DNAH3: variants seen among roughly 807,000 people sequenced by gnomAD.
The protein encoded by DNAH3 is dynein axonemal heavy chain 3, also known as axonemal beta dynein heavy chain 3.
In DNAH3, 332 loss-of-function variants were observed where a neutral mutation model predicts 432.5. The ratio of observed to expected loss-of-function variants is 0.77; its 90% CI spans 0.70 to 0.84. The LOEUF is 0.84. DNAH3 is among the 40% of genes least tolerant of loss of function. The pLI is 0.00. For missense variants in DNAH3, 4,861 were observed against 5,114.0 expected, an observed-to-expected ratio of 0.95 and a Z score of 1.51; for synonymous variants, 1,956 against 1,900.2, an observed-to-expected ratio of 1.03 and a Z score of -0.76.
At chr16:21,121,959 T>G in exon 10 of DNAH3, 1 of 1,612,340 alleles carries the variant, frequency 6.2e-7, no homozygotes, top group Non-Finnish European at 8.5e-7. Flanking sequence ...GGGATCCCAT[T>G]AGAGTTCTTA....
chr16:21,077,561 T>C (rs2091019351), intron 20 of DNAH3, among the ~76,000 whole-genome samples: 1 of 152,132 alleles, frequency 6.6e-6, no homozygotes, highest in Admixed American at 6.6e-5. Context: ...ACACCTACTA[T>C]TTTCCTGATA....
intron 36 of DNAH3, among the ~76,000 whole-genome samples, chr16:21,033,225 T>C (rs2088980521): frequency 6.6e-6 from 1 of 152,174 alleles, no homozygotes; most frequent in Admixed American, 6.5e-5. Flanking sequence ...TCATCAAATG[T>C]TATTAGAAAA....
At chr16:21,096,307 T>C (rs2091677901) in intron 18 of DNAH3, among the ~76,000 whole-genome samples, 1 of 151,940 alleles carries the variant, frequency 6.6e-6, no homozygotes, top group Non-Finnish European at 1.5e-5. Flanking sequence ...GATTTTTTAT[T>C]TTTTGTAGAG....
intron 43 of DNAH3, among the ~76,000 whole-genome samples, chr16:20,998,988 G>A (rs1197646411): frequency 6.6e-6 from 1 of 152,162 alleles, no homozygotes; most frequent in African/African-American, 2.4e-5. Context: ...TGGGCATGGT[G>A]GTTCACACCT....
At chr16:21,122,026 G>A (rs1336123467) in exon 10 of DNAH3, 3 of 1,613,810 alleles carry the variant, frequency 1.9e-6, no homozygotes, top group Non-Finnish European at 2.5e-6. Context: ...AAGATGGATT[G>A]AAGACAATAA....
intron 27 of DNAH3, 106 bp from the exon 28 acceptor site, chr16:21,054,640 C>G: frequency 1.3e-6 from 1 of 768,986 alleles, no homozygotes; most frequent in Non-Finnish European, 2.1e-6. Flanking sequence ...AAGCCAGACT[C>G]CTGGGTGTCA....
At chr16:20,967,035 T>G (rs1240476800) in intron 52 of DNAH3, among the ~76,000 whole-genome samples, 1 of 152,212 alleles carries the variant, frequency 6.6e-6, no homozygotes, top group East Asian at 1.9e-4. Flanking sequence ...CCCATGGTAC[T>G]TGCCAAGCTC....
At chr16:20,981,024 A>C (rs972685221) in intron 49 of DNAH3, among the ~76,000 whole-genome samples, 13 of 152,230 alleles carry the variant, frequency 8.5e-5, no homozygotes, top group Non-Finnish European at 4.4e-5. Context: ...AACTAGGCCC[A>C]TGAACCATAG....
chr16:21,107,193 T>G lies in DNAH3; in HGVS notation c.2100-519A>C, dbSNP rs367896588. Among the ~76,000 whole-genome samples, 19 of 151,980 alleles carry G rather than the reference T, an allele frequency of 1.3e-4. No homozygotes were observed. In the South Asian group the frequency reaches 2.7e-3, roughly 22 times the overall value. On this transcript the variant is annotated intron_variant, in intron 14 of 61. Coordinates refer to ENST00000261383, the Ensembl canonical transcript of DNAH3. Reference sequence around the variant, plus strand: ...AAAACACCACCACCACCACCAGCAATTCATCACATTTTGTGTTGAAATAGA... The same window carrying G: ...AAAACACCACCACCACCACCAGCAAGTCATCACATTTTGTGTTGAAATAGA...
chr16:21,067,996 A>G (rs2090634095), intron 23 of DNAH3, among the ~76,000 whole-genome samples: 1 of 152,042 alleles, frequency 6.6e-6, no homozygotes, highest in Non-Finnish European at 1.5e-5. Flanking sequence ...CTTGCACCCA[A>G]ACAACCTTAA....
intron 3 of DNAH3, among the ~76,000 whole-genome samples, chr16:21,144,506 G>A (rs2092757469): frequency 6.6e-6 from 1 of 152,124 alleles, no homozygotes; most frequent in Non-Finnish European, 1.5e-5. Flanking sequence ...GATGATGGTG[G>A]CCTTGGTGTA....
chr16:21,018,226 T>C (rs1002112223), intron 41 of DNAH3, among the ~76,000 whole-genome samples: 1 of 152,190 alleles, frequency 6.6e-6, no homozygotes, highest in African/African-American at 2.4e-5. Context: ...CTATCTCCCC[T>C]AGAAGTTCTC....
exon 9 of DNAH3, chr16:21,125,301 G>A (rs757558242): frequency 6.2e-7 from 1 of 1,613,476 alleles, no homozygotes; most frequent in Non-Finnish European, 8.5e-7. Flanking sequence ...AGTCATAGTT[G>A]CTCTTGGGAG....
At chr16:21,002,581 C>T (rs1208205174) in intron 42 of DNAH3, among the ~76,000 whole-genome samples, 1 of 152,052 alleles carries the variant, frequency 6.6e-6, no homozygotes, top group Non-Finnish European at 1.5e-5. Context: ...CCTGCCTCAG[C>T]CTCCCAAGTA....
chr16:21,034,581 T>C (rs774041726), intron 35 of DNAH3, among the ~76,000 whole-genome samples: 10 of 152,260 alleles, frequency 6.6e-5, no homozygotes, highest in Non-Finnish European at 1.5e-4. Context: ...CTGGAAACTT[T>C]CTTTCTTGAG....
At chr16:21,079,568 AGCTGAGATTGCACC>A (rs1229960778) in intron 20 of DNAH3, among the ~76,000 whole-genome samples, 1 of 152,142 alleles carries the variant, frequency 6.6e-6, no homozygotes, top group Admixed American at 6.6e-5. Flanking sequence ...GGTTGCAGTG[AGCTGAGATTGCACC>A]GCTGAGATTG....
chr16:21,023,085 AT>A (rs1239166961), intron 39 of DNAH3, among the ~76,000 whole-genome samples: 3 of 152,062 alleles, frequency 2.0e-5, no homozygotes, highest in South Asian at 2.1e-4. Context: ...CCCTATACAC[AT>A]TTTTTTTAAG....
chr16:20,974,997 T>G (rs1281991475), intron 51 of DNAH3, among the ~76,000 whole-genome samples: 2 of 150,226 alleles, frequency 1.3e-5, no homozygotes, highest in African/African-American at 4.9e-5. Flanking sequence ...TTTTTTTTTT[T>G]TTTTTTTTTT....
intron 12 of DNAH3, 140 bp downstream of exon 12, chr16:21,117,063 A>G (rs1284551455): frequency 1.7e-6 from 1 of 605,574 alleles, no homozygotes; most frequent in Non-Finnish European, 2.9e-6. Context: ...ATAAATAGTA[A>G]TACTCATGTA....
Sources: allele counts gnomAD v4.1 joint callset (sites outside exome capture counted in the v4.1 genomes callset), GRCh38; gene constraint gnomAD v4.1.1; transcripts MANE v1.5; gene names NCBI Gene and HGNC (gene_info 2026-07-23, HGNC 2026-07-21).